Variants in LRP1B observed in about 807,000 individuals in gnomAD.
LRP1B encodes LDL receptor related protein 1B.
Under a neutral mutation model 556.6 loss-of-function variants are expected in LRP1B, and 217 were observed. The observed-to-expected ratio is 0.39, with a 90% CI of 0.35 to 0.44. The LOEUF (loss-of-function observed/expected upper bound fraction) is 0.44. Ranked by LOEUF, LRP1B falls within the 20% of genes least tolerant of loss-of-function variation. The pLI is 1.00. For synonymous variants in LRP1B, 2,047 were observed against 1,865.8 expected, an observed-to-expected ratio of 1.10 and a Z score of -2.50; for missense variants, 5,053 against 5,620.8, an observed-to-expected ratio of 0.90 and a Z score of 3.23.
chr2:141,489,316 CAGTT>C lies in LRP1B; in HGVS notation c.206-8787_206-8784del, dbSNP rs372059326. On this transcript the variant is annotated intron_variant, in intron 2 of 90. Transcript: ENST00000389484. ...TTTTATTAAGAATGCTTTTCACACACAGTTAGATCCATTTTCTTGGATGTATTAC... is the reference window on the plus strand; with the variant it reads ...TTTTATTAAGAATGCTTTTCACACACAGATCCATTTTCTTGGATGTATTAC... Among the ~76,000 whole-genome samples the C allele has an allele frequency of 6.6e-4, 100 of 151,942 alleles. No homozygotes were observed. The East Asian group carries it at 7.9e-3, about 12-fold the overall frequency.
intron 2 of LRP1B, among the ~76,000 whole-genome samples, chr2:141,756,232 T>C (rs1694313840): frequency 6.6e-6 from 1 of 152,088 alleles, no homozygotes; most frequent in Non-Finnish European, 1.5e-5. Context: ...TGAAAACAAG[T>C]TTAGCTGAAT....
intron 2 of LRP1B, among the ~76,000 whole-genome samples, chr2:141,503,158 T>C (rs956943053): frequency 2.7e-5 from 4 of 148,190 alleles, no homozygotes; most frequent in African/African-American, 7.3e-5. Flanking sequence ...TAATTATATA[T>C]GAGTAATACA....
In LRP1B at chr2:141,482,675, A is replaced by G. The variant is rs547022838; in HGVS notation, c.206-2142T>C. ...AAAAATGAAGTTTAAAGACACATACATTAATATTAAAAAGCTATAAACTTC... is the reference window on the plus strand; with the variant it reads ...AAAAATGAAGTTTAAAGACACATACGTTAATATTAAAAAGCTATAAACTTC... On this transcript the variant is annotated intron_variant, in intron 2 of 90. Transcript: ENST00000389484. Among the ~76,000 whole-genome samples the G allele has an allele frequency of 1.4e-4, 21 of 152,192 alleles. No homozygotes were observed. In the East Asian group the frequency reaches 4.1e-3, roughly 29 times the overall value.
At chr2:141,685,996 T>C (rs960253185) in intron 2 of LRP1B, among the ~76,000 whole-genome samples, 1 of 152,082 alleles carries the variant, frequency 6.6e-6, no homozygotes, top group African/African-American at 2.4e-5. Flanking sequence ...TCACATGTTT[T>C]CATATGGAAA....
At chr2:141,197,378 G>T (rs767216384) in intron 6 of LRP1B, among the ~76,000 whole-genome samples, 1 of 152,054 alleles carries the variant, frequency 6.6e-6, no homozygotes, top group Non-Finnish European at 1.5e-5. Context: ...CTCACTTAAA[G>T]CAGGAAAATA....
rs570296686 is a variant in LRP1B at position 141,756,061 on chromosome 2, A to G, written c.205+54218T>C. On this transcript the variant is annotated intron_variant, in intron 2 of 90. Coordinates refer to ENST00000389484, the MANE Select transcript of LRP1B (RefSeq NM_018557.3). ...CATGACTTTTCTCCATGTTATTTATAATTGGAACAAATAGCTATTAGTCAA... is the reference window on the plus strand; with the variant it reads ...CATGACTTTTCTCCATGTTATTTATGATTGGAACAAATAGCTATTAGTCAA... Among the ~76,000 whole-genome samples the G allele has an allele frequency of 4.6e-5, 7 of 152,226 alleles. No homozygotes were observed. The South Asian group carries it at 1.4e-3, about 32-fold the overall frequency.
At chr2:141,534,945 T>C (rs1271055444) in intron 2 of LRP1B, among the ~76,000 whole-genome samples, 3 of 152,276 alleles carry the variant, frequency 2.0e-5, no homozygotes, top group South Asian at 2.1e-4. Context: ...TATATCTTTT[T>C]TGAACACCAA....
At chr2:140,743,858 T>G (rs528277199) in intron 35 of LRP1B, among the ~76,000 whole-genome samples, 71 of 145,626 alleles carry the variant, frequency 4.9e-4, no homozygotes, top group African/African-American at 1.8e-3. Flanking sequence ...CTGTAACTAC[T>G]CGGGAGGCTG....
In LRP1B at chr2:141,208,865, A is replaced by G. The variant is rs1384344669; in HGVS notation, c.851-20282T>C. On this transcript the variant is annotated intron_variant, in intron 6 of 90. Coordinates refer to ENST00000389484, the MANE Select transcript of LRP1B (RefSeq NM_018557.3). ...ACCTGGGCAATAAAGCGAGATTCTG[A>G]GATTCCGTCTCAAAAAAAAAAAAAA... Among the ~76,000 whole-genome samples the G allele has an allele frequency of 6.4e-5, 7 of 109,084 alleles. No homozygotes were observed. The East Asian group carries it at 2.4e-3, about 38-fold the overall frequency. The allele number at this position is 109,084 out of a possible 152,430, so 71.6% of individuals were successfully genotyped here.
intron 7 of LRP1B, among the ~76,000 whole-genome samples, chr2:141,151,609 TTCTC>T (rs1299614123): frequency 6.6e-6 from 1 of 152,168 alleles, no homozygotes; most frequent in East Asian, 1.9e-4. Flanking sequence ...CACAATTTTG[TTCTC>T]TCTTTTTCAG....
intron 2 of LRP1B, among the ~76,000 whole-genome samples, chr2:141,540,067 A>G (rs983042867): frequency 6.6e-6 from 1 of 152,124 alleles, no homozygotes; most frequent in Non-Finnish European, 1.5e-5. Context: ...TGATAATGCC[A>G]CTTAAATCTT....
At chr2:141,265,067 G>A (rs1387374457) in intron 3 of LRP1B, among the ~76,000 whole-genome samples, 4 of 152,162 alleles carry the variant, frequency 2.6e-5, no homozygotes, top group African/African-American at 9.7e-5. Flanking sequence ...GCCCTTCCCG[G>A]AGATGAGAGG....
At chr2:140,303,200 T>A (rs996575211) in intron 83 of LRP1B, among the ~76,000 whole-genome samples, 4 of 151,658 alleles carry the variant, frequency 2.6e-5, no homozygotes, top group African/African-American at 9.7e-5. Flanking sequence ...GTTCCAGCAA[T>A]GGGTCATACC....
At chr2:140,909,491 T>C (rs1357884781) in intron 21 of LRP1B, among the ~76,000 whole-genome samples, 2 of 151,602 alleles carry the variant, frequency 1.3e-5, no homozygotes, top group South Asian at 2.1e-4. Flanking sequence ...TAAAATACAT[T>C]TGATATTCAA....
intron 84 of LRP1B, among the ~76,000 whole-genome samples, chr2:140,290,839 T>C (rs1345525634): frequency 6.6e-6 from 1 of 152,000 alleles, no homozygotes; most frequent in Non-Finnish European, 1.5e-5. Flanking sequence ...GTGGGCAGGA[T>C]ATTGAATGGC....
intron 2 of LRP1B, among the ~76,000 whole-genome samples, chr2:141,554,282 T>A (rs1312881977): frequency 8.2e-5 from 12 of 145,650 alleles, no homozygotes; most frequent in Non-Finnish European, 1.7e-4. Context: ...TCTATAGGAA[T>A]AGACATAGAT....
intron 20 of LRP1B, among the ~76,000 whole-genome samples, chr2:140,935,986 A>G (rs907315875): frequency 1.3e-5 from 2 of 151,488 alleles, no homozygotes; most frequent in Non-Finnish European, 2.9e-5. Flanking sequence ...ATATCAGCTT[A>G]GACTGATTCT....
chr2:140,746,473 T>A (rs1003985582), intron 35 of LRP1B, among the ~76,000 whole-genome samples: 2 of 152,182 alleles, frequency 1.3e-5, no homozygotes, highest in African/African-American at 2.4e-5. Flanking sequence ...TTTATTTTGC[T>A]ACTCACCTAG....
chr2:141,606,662 G>A (rs1687926667), intron 2 of LRP1B, among the ~76,000 whole-genome samples: 1 of 152,120 alleles, frequency 6.6e-6, no homozygotes, highest in African/African-American at 2.4e-5. Flanking sequence ...GACATCAAGG[G>A]TATGCAAACA....
Sources: allele counts gnomAD v4.1 joint callset (sites outside exome capture counted in the v4.1 genomes callset), GRCh38; gene constraint gnomAD v4.1.1; transcripts MANE v1.5; gene names NCBI Gene and HGNC (gene_info 2026-07-23, HGNC 2026-07-21).